Variants in NT5DC3 observed in about 807,000 individuals in gnomAD.
NT5DC3 encodes 5'-nucleotidase domain containing 3, also known as 5'-nucleotidase domain-containing protein 3.
In NT5DC3, 42 loss-of-function variants were observed where a neutral mutation model predicts 67.8. That is an observed-to-expected ratio of 0.62 (90% CI 0.48 to 0.80). NT5DC3 has a LOEUF of 0.80. NT5DC3 is among the 30% of genes least tolerant of loss of function. NT5DC3 has a pLI of 0.00. For synonymous variants in NT5DC3, 237 were observed against 255.6 expected (o/e 0.93, Z 0.69); for missense variants, 570 against 696.4 (o/e 0.82, Z 2.04).
At chr12:103,796,454 A>G (rs1362621840) in intron 6 of NT5DC3, among the ~76,000 whole-genome samples, 1 of 152,036 alleles carries the variant, frequency 6.6e-6, no homozygotes, top group East Asian at 1.9e-4. Context: ...GAGGCCCGGG[A>G]GGCAGAGGTT....
At chr12:103,786,707 G>A (rs1199379756) in intron 11 of NT5DC3, among the ~76,000 whole-genome samples, 1 of 101,162 alleles carries the variant, frequency 9.9e-6, no homozygotes, top group Admixed American at 1.2e-4. Flanking sequence ...TTTTGAGGCA[G>A]GGTCTCACTC....
At chr12:103,762,466 G>C in the NT5DC3 span, 1 of 1,609,050 alleles carries the variant, frequency 6.2e-7, no homozygotes, top group Non-Finnish European at 8.5e-7. Flanking sequence ...CCTGGACCTG[G>C]GCTGCTTCAG....
At chr12:103,749,732 C>T in the NT5DC3 span, among the ~76,000 whole-genome samples, 917 of 148,704 alleles carry the variant, frequency 6.2e-3, 7 homozygotes, top group African/African-American at 0.019. Context: ...CCCAGCTACT[C>T]GGGAGGCTGA....
downstream of NT5DC3, chr12:103,766,216 C>A (rs1566090224): frequency 2.5e-6 from 4 of 1,594,196 alleles, no homozygotes; most frequent in Non-Finnish European, 3.4e-6. Flanking sequence ...AGACCAGTGG[C>A]CACCAGAAAG....
chr12:103,788,869 T>C lies in NT5DC3; in HGVS notation c.1070A>G (p.His357Arg), dbSNP rs760253004. The C allele has an allele frequency of 3.1e-6, 5 of 1,613,464 alleles. No individual in the cohort carries two copies. Among genetic ancestry groups the C allele is most frequent in the South Asian group, 2.2e-5 (2 of 91,066 alleles). Residue 357 changes from histidine to arginine, a missense_variant, in exon 10 of 14, where the codon CAT becomes CGT. His to Arg is a conservative substitution (Grantham distance 29). Transcript: ENST00000392876. ...GTATATCTGGCCTTTCTGCAACTTA[T>C]GGATTTTATCCCAGAGTAAGACACC... ...EKGVLLWDKI[H>R]KLQKGQIYKQ...
the NT5DC3 span, chr12:103,763,954 C>T: frequency 5.5e-6 from 1 of 180,390 alleles, no homozygotes; most frequent in Non-Finnish European, 1.1e-5. Flanking sequence ...AGGTGCAAAA[C>T]AAGATGGAAA....
chr12:103,822,026 A>C (rs1293034126), intron 1 of NT5DC3: 1 of 152,276 alleles, frequency 6.6e-6, no homozygotes, highest in Non-Finnish European at 1.5e-5. Flanking sequence ...AAATTATGCT[A>C]TAAAACAAAA....
chr12:103,836,507 C>T, intron 1 of NT5DC3, among the ~76,000 whole-genome samples: 1 of 152,306 alleles, frequency 6.6e-6, no homozygotes, highest in African/African-American at 2.4e-5. Context: ...TCTCCTTTGA[C>T]TCCAGGTCTC....
At chr12:103,767,133 A>ATCT (rs1351069220), downstream of NT5DC3, among the ~76,000 whole-genome samples, 2 of 151,518 alleles carry the variant, frequency 1.3e-5, no homozygotes, top group African/African-American at 4.9e-5. Context: ...TTGTACATGC[A>ATCT]TCTTCACAGT....
Position 103,774,072 on chromosome 12 carries a change from G to C in NT5DC3, c.*3757C>G, listed in dbSNP as rs1009008295. ...ACAACTAAAGTATTTCAAAAGCCACGTTTCACCCGTAAAAACAACACTGGA... is the reference window on the plus strand; with the variant it reads ...ACAACTAAAGTATTTCAAAAGCCACCTTTCACCCGTAAAAACAACACTGGA... On this transcript the variant is annotated 3_prime_UTR_variant, in exon 14 of 14. Transcript: ENST00000392876. 6.6e-6 allele frequency: 1 copy of C among 152,118 alleles called. No homozygotes were observed. Among genetic ancestry groups the C allele is most frequent in the Non-Finnish European group, 1.5e-5 (1 of 68,012 alleles). 9.4% of individuals were successfully genotyped at this position (152,118 alleles called of 1,614,324 possible).
intron 5 of NT5DC3, 123 bp downstream of exon 5, chr12:103,798,464 T>G (rs1886417903): frequency 1.5e-6 from 1 of 668,428 alleles, no homozygotes; most frequent in African/African-American, 1.8e-5. Flanking sequence ...CAAACGCTAG[T>G]CTCTCTCAAC....
intron 1 of NT5DC3, among the ~76,000 whole-genome samples, chr12:103,831,956 T>C (rs1887951252): frequency 6.6e-6 from 1 of 151,910 alleles, no homozygotes; most frequent in African/African-American, 2.4e-5. Context: ...TTTGTATTTT[T>C]AGTAGAGACA....
chr12:103,823,257 C>T (rs1263245909), intron 1 of NT5DC3, among the ~76,000 whole-genome samples: 1 of 151,546 alleles, frequency 6.6e-6, no homozygotes. Flanking sequence ...CCTCCATTCT[C>T]CACTACCCTC....
At chr12:103,813,081 A>G (rs4964780) in intron 2 of NT5DC3, among the ~76,000 whole-genome samples, 33,812 of 152,198 alleles carry the variant, frequency 0.22, 4,304 homozygotes, top group South Asian at 0.44. Flanking sequence ...CTAGTGGACA[A>G]TCAATGAACA....
At chr12:103,840,521 C>T (rs1437353955) in intron 1 of NT5DC3, among the ~76,000 whole-genome samples, 2 of 151,084 alleles carry the variant, frequency 1.3e-5, no homozygotes, top group Admixed American at 1.3e-4. Flanking sequence ...CCCCAGCAGC[C>T]CCGCTCTTGG....
chr12:103,840,897 G>T, intron 1 of NT5DC3, 52 bp downstream of exon 1: 1 of 1,156,848 alleles, frequency 8.6e-7, no homozygotes. Flanking sequence ...CTTCCCAGCT[G>T]AGCGCGCAGG....
the NT5DC3 span, chr12:103,746,351 G>A: frequency 5.6e-6 from 2 of 355,680 alleles, no homozygotes; most frequent in South Asian, 8.3e-5. Context: ...AGCCCCTAAA[G>A]AACATTTTTT....
At chr12:103,768,641 G>C (rs1383645943), downstream of NT5DC3, among the ~76,000 whole-genome samples, 1 of 131,330 alleles carries the variant, frequency 7.6e-6, no homozygotes. Context: ...GAGTGAGAGA[G>C]AGAGAGAGAG....
chr12:103,812,027 C>G (rs1031480729), intron 2 of NT5DC3, among the ~76,000 whole-genome samples: 2 of 151,836 alleles, frequency 1.3e-5, no homozygotes, highest in Non-Finnish European at 2.9e-5. Flanking sequence ...ATCAAGAGCT[C>G]TCTACCCCTC....
Sources: gnomAD v4.1 joint callset for allele counts (sites outside exome capture counted in the v4.1 genomes callset) on GRCh38, gnomAD v4.1.1 for gene constraint, MANE v1.5 for transcripts, NCBI Gene and HGNC (gene_info 2026-07-23, HGNC 2026-07-21) for gene names.